Variants in PCCA observed in about 807,000 individuals in gnomAD.
The protein encoded by PCCA is propionyl-CoA carboxylase subunit alpha.
In PCCA, 74 loss-of-function variants were observed where a neutral mutation model predicts 101.3. The observed-to-expected ratio is 0.73, with a 90% CI of 0.61 to 0.89. The LOEUF is 0.89. PCCA is among the 40% of genes least tolerant of loss of function. PCCA has a pLI of 0.00. For missense variants in PCCA, 891 were observed against 907.0 expected, an observed-to-expected ratio of 0.98 and a Z score of 0.23; for synonymous variants, 294 against 313.6, an observed-to-expected ratio of 0.94 and a Z score of 0.66.
chr13:100,159,043 A>G (rs1185990284), intron 6 of PCCA, among the ~76,000 whole-genome samples: 2 of 142,890 alleles, frequency 1.4e-5, no homozygotes, highest in Non-Finnish European at 3.0e-5. Context: ...ATAATATTAT[A>G]TACAGTTTAT....
intron 5 of PCCA, among the ~76,000 whole-genome samples, chr13:100,156,089 TG>T (rs1168438860): frequency 6.6e-6 from 1 of 152,158 alleles, no homozygotes; most frequent in Non-Finnish European, 1.5e-5. Context: ...TTTTTTGAGA[TG>T]GAGTTTCGCT....
intron 18 of PCCA, among the ~76,000 whole-genome samples, chr13:100,344,570 C>T (rs748454568): frequency 2.6e-5 from 4 of 152,268 alleles, no homozygotes; most frequent in South Asian, 2.1e-4. Flanking sequence ...TAGACTTCAA[C>T]GGTGTTCCTT....
At chr13:100,205,676 A>G (rs752648102) in intron 6 of PCCA, among the ~76,000 whole-genome samples, 5 of 151,792 alleles carry the variant, frequency 3.3e-5, no homozygotes, top group South Asian at 2.1e-4. Context: ...CTGTATAATC[A>G]TAATGTATTT....
intron 17 of PCCA, among the ~76,000 whole-genome samples, chr13:100,339,559 C>T (rs1595441369): frequency 1.3e-5 from 2 of 152,168 alleles, no homozygotes; most frequent in Admixed American, 6.5e-5. Context: ...CAGGCCTTTG[C>T]GGCCAGCCGA....
intron 4 of PCCA, among the ~76,000 whole-genome samples, chr13:100,117,852 C>T (rs1452908403): frequency 6.6e-6 from 1 of 151,890 alleles, no homozygotes; most frequent in African/African-American, 2.4e-5. Context: ...CGTAGTGGCT[C>T]ACGCCTGTAA....
chr13:100,354,693 G>A lies in PCCA; in HGVS notation c.1644-13779G>A, dbSNP rs368520698. On this transcript the variant is annotated intron_variant, in intron 18 of 23. Transcript: ENST00000376285. ...TACTGACCTTACAGAAATTAAAATG[G>A]TCATAAGGGAATATTGTGAACAATT... 1.0e-3 allele frequency among the ~76,000 whole-genome samples: 152 copies of A among 152,226 alleles called. 4 individuals carry two copies. In the South Asian group the frequency reaches 0.028, roughly 28 times the overall value.
chr13:100,198,663 T>G (rs1220430837), intron 6 of PCCA, among the ~76,000 whole-genome samples: 1 of 152,086 alleles, frequency 6.6e-6, no homozygotes, highest in Non-Finnish European at 1.5e-5. Context: ...CATGCCTGGC[T>G]ATTTTTTATA....
chr13:100,194,829 G>A (rs927280359), intron 6 of PCCA, among the ~76,000 whole-genome samples: 3 of 152,112 alleles, frequency 2.0e-5, no homozygotes, highest in Admixed American at 1.3e-4. Flanking sequence ...AAGTGTGAGT[G>A]GACTGTGAGG....
intron 21 of PCCA, among the ~76,000 whole-genome samples, chr13:100,471,911 T>G (rs74808257): frequency 0.019 from 2,857 of 152,238 alleles, 98 homozygotes; most frequent in African/African-American, 0.065. Context: ...AAGGATATTT[T>G]GCTCCTTAGC....
intron 19 of PCCA, among the ~76,000 whole-genome samples, chr13:100,422,384 T>C (rs1413510596): frequency 6.6e-6 from 1 of 150,670 alleles, no homozygotes; most frequent in Non-Finnish European, 1.5e-5. Flanking sequence ...GCAGTCCTCC[T>C]GCCTGGGCCT....
At chr13:100,222,491 C>G (rs1281091995) in intron 7 of PCCA, among the ~76,000 whole-genome samples, 2 of 152,134 alleles carry the variant, frequency 1.3e-5, no homozygotes, top group Non-Finnish European at 2.9e-5. Flanking sequence ...GGTATAGTGA[C>G]TCCACATTCA....
At chr13:100,452,107 C>T (rs1176698555) in intron 21 of PCCA, among the ~76,000 whole-genome samples, 1 of 127,576 alleles carries the variant, frequency 7.8e-6, no homozygotes. Flanking sequence ...CTCTTCCTTT[C>T]TCTCTCTCCT....
intron 7 of PCCA, among the ~76,000 whole-genome samples, chr13:100,233,861 G>C (rs2060629797): frequency 6.6e-6 from 1 of 152,148 alleles, no homozygotes; most frequent in Non-Finnish European, 1.5e-5. Flanking sequence ...TGTTGGATTT[G>C]TGGCAGTGGA....
At chr13:100,282,758 A>G (rs1042098737) in intron 12 of PCCA, among the ~76,000 whole-genome samples, 1 of 152,138 alleles carries the variant, frequency 6.6e-6, no homozygotes, top group Admixed American at 6.5e-5. Flanking sequence ...GGAATACCTT[A>G]TGTCCAAGCT....
intron 10 of PCCA, among the ~76,000 whole-genome samples, chr13:100,264,206 A>G (rs371463778): frequency 3.0e-5 from 3 of 100,498 alleles, no homozygotes; most frequent in Admixed American, 9.7e-5. Context: ...CATATATGTG[A>G]TATCTGTATC....
chr13:100,399,191 T>A (rs2077201305), intron 19 of PCCA, among the ~76,000 whole-genome samples: 1 of 152,156 alleles, frequency 6.6e-6, no homozygotes, highest in African/African-American at 2.4e-5. Context: ...TAGGTAGTTT[T>A]AAAAATTACT....
chr13:100,434,482 G>A (rs1348911149), intron 20 of PCCA, among the ~76,000 whole-genome samples: 1 of 152,170 alleles, frequency 6.6e-6, no homozygotes. Flanking sequence ...CTGGGGCAGA[G>A]GCAACCTGGC....
chr13:100,150,515 C>G, intron 4 of PCCA: 1 of 1,356,812 alleles, frequency 7.4e-7, no homozygotes. Flanking sequence ...AGTATTGCGC[C>G]TTCTCCAAGC....
chr13:100,279,503 GT>G (rs1263510576), intron 12 of PCCA, among the ~76,000 whole-genome samples: 1 of 151,944 alleles, frequency 6.6e-6, no homozygotes. Flanking sequence ...TTGAGACGGA[GT>G]CTTGCTCTGT....
Sources: gnomAD v4.1 joint callset for allele counts (sites outside exome capture counted in the v4.1 genomes callset) on GRCh38, gnomAD v4.1.1 for gene constraint, MANE v1.5 for transcripts, NCBI Gene and HGNC (gene_info 2026-07-23, HGNC 2026-07-21) for gene names.